Variants in NBAS observed in about 807,000 individuals in gnomAD.
The protein encoded by NBAS is NBAS subunit of NRZ tethering complex.
A neutral mutation model predicts 302.5 loss-of-function variants in NBAS; 219 were observed. The ratio of observed to expected loss-of-function variants is 0.72; its 90% CI spans 0.65 to 0.81. The LOEUF is 0.81. NBAS is among the 30% of genes least tolerant of loss of function. NBAS has a pLI of 0.00. For synonymous variants in NBAS, 1,118 were observed against 1,021.6 expected, an observed-to-expected ratio of 1.09 and a Z score of -1.80; for missense variants, 2,932 against 2,841.6, an observed-to-expected ratio of 1.03 and a Z score of -0.72.
At chr2:14,801,314 A>G in the NBAS span, among the ~76,000 whole-genome samples, 12 of 151,968 alleles carry the variant, frequency 7.9e-5, no homozygotes, top group African/African-American at 2.9e-4. Flanking sequence ...CACATATATT[A>G]TTAGGTTGCT....
chr2:15,208,965 G>A (rs1428405428), intron 48 of NBAS, among the ~76,000 whole-genome samples: 9 of 152,068 alleles, frequency 5.9e-5, no homozygotes, highest in Non-Finnish European at 1.2e-4. Context: ...AGAAATAAAC[G>A]AATTGGAAAT....
rs1572828429 is a variant in NBAS at position 15,424,318 on chromosome 2, C to T, written c.2574G>A (p.Arg858=). The change falls in exon 23 of 52, where the codon CGG becomes CGA. Residue 858 remains arginine (R), a synonymous_variant. Transcript: ENST00000281513. The part of the protein sequence containing the change: ...TRAEEIEHYA[R]QVDCALSLIR... Reference sequence around the variant, plus strand: ...AGCAGCTGCCATTTCCCCTCACCTGCCGAGCATAATGCTCTATTTCCTCTG... The same window carrying T: ...AGCAGCTGCCATTTCCCCTCACCTGTCGAGCATAATGCTCTATTTCCTCTG... The T allele has an allele frequency of 6.2e-7, 1 of 1,614,066 alleles. No individual in the cohort carries two copies. Among genetic ancestry groups the T allele is most frequent in the East Asian group, 2.2e-5 (1 of 44,872 alleles).
intron 38 of NBAS, among the ~76,000 whole-genome samples, chr2:15,313,528 T>A (rs1454231098): frequency 6.6e-6 from 1 of 152,234 alleles, no homozygotes; most frequent in Non-Finnish European, 1.5e-5. Flanking sequence ...CGATTGACAA[T>A]GTTATGCTAT....
intron 21 of NBAS, among the ~76,000 whole-genome samples, chr2:15,428,771 C>T (rs1397384684): frequency 2.0e-5 from 3 of 152,068 alleles, no homozygotes; most frequent in Non-Finnish European, 2.9e-5. Flanking sequence ...AGGCCAGGCG[C>T]GGTGGCTCAC....
At chr2:15,454,876 T>G (rs1335579418) in intron 21 of NBAS, among the ~76,000 whole-genome samples, 1 of 152,024 alleles carries the variant, frequency 6.6e-6, no homozygotes, top group Non-Finnish European at 1.5e-5. Context: ...TAAGTATTTC[T>G]TAACCATTCA....
the NBAS span, among the ~76,000 whole-genome samples, chr2:14,978,995 CT>C: frequency 6.6e-6 from 1 of 152,188 alleles, no homozygotes; most frequent in African/African-American, 2.4e-5. Flanking sequence ...CTATTTTCTG[CT>C]GAATTCCATT....
chr2:14,886,249 A>T, the NBAS span, among the ~76,000 whole-genome samples: 3 of 151,978 alleles, frequency 2.0e-5, no homozygotes, highest in South Asian at 6.2e-4. Flanking sequence ...CCCACCATTT[A>T]CTCCATACCC....
the NBAS span, among the ~76,000 whole-genome samples, chr2:14,909,390 G>C: frequency 2.0e-3 from 121 of 60,566 alleles, no homozygotes; most frequent in African/African-American, 0.01. Context: ...AAAAAAAAAA[G>C]ATTTCCCACA....
chr2:14,836,229 T>A, the NBAS span, among the ~76,000 whole-genome samples: 2 of 151,942 alleles, frequency 1.3e-5, no homozygotes, highest in Admixed American at 1.3e-4. Flanking sequence ...ACTCTATAAA[T>A]AGCTTTTGTT....
At chr2:14,965,101 A>G in the NBAS span, among the ~76,000 whole-genome samples, 1 of 152,220 alleles carries the variant, frequency 6.6e-6, no homozygotes, top group African/African-American at 2.4e-5. Context: ...CAAATCAATA[A>G]CTTCGCCTTC....
intron 25 of NBAS, among the ~76,000 whole-genome samples, chr2:15,405,149 G>T (rs59399851): frequency 6.6e-6 from 1 of 152,048 alleles, no homozygotes; most frequent in East Asian, 1.9e-4. Context: ...TGTTATCTCC[G>T]TTTGACTTTG....
the NBAS span, among the ~76,000 whole-genome samples, chr2:14,877,531 A>T: frequency 6.6e-6 from 1 of 152,252 alleles, no homozygotes; most frequent in Non-Finnish European, 1.5e-5. Context: ...GTCTAATAAG[A>T]CAAATACTTC....
chr2:15,404,551 C>T (rs1006415546), intron 25 of NBAS, among the ~76,000 whole-genome samples: 37 of 149,656 alleles, frequency 2.5e-4, no homozygotes, highest in African/African-American at 8.1e-4. Context: ...CTCGCTGTGT[C>T]GCCCAGGCTC....
chr2:15,532,588 G>A, intron 9 of NBAS, among the ~76,000 whole-genome samples: 1 of 151,316 alleles, frequency 6.6e-6, no homozygotes, highest in East Asian at 1.9e-4. Flanking sequence ...ACTCGTGGTA[G>A]AGTAAGAAAA....
At chr2:15,094,537 G>C in the NBAS span, among the ~76,000 whole-genome samples, 1 of 152,164 alleles carries the variant, frequency 6.6e-6, no homozygotes, top group East Asian at 1.9e-4. Flanking sequence ...ATTAAGCCTG[G>C]GGCTGAATCA....
At chr2:15,321,348 G>T (rs570211653) in intron 38 of NBAS, among the ~76,000 whole-genome samples, 11 of 152,286 alleles carry the variant, frequency 7.2e-5, no homozygotes, top group African/African-American at 2.6e-4. Context: ...AGGACTTCAT[G>T]ACTAAAACAC....
chr2:15,455,712 A>G (rs1395562429), intron 21 of NBAS, among the ~76,000 whole-genome samples: 4 of 151,162 alleles, frequency 2.6e-5, no homozygotes, highest in Non-Finnish European at 5.9e-5. Flanking sequence ...TACAAGTGAG[A>G]AGACTGCAGT....
chr2:15,088,257 T>C, the NBAS span, among the ~76,000 whole-genome samples: 1 of 152,098 alleles, frequency 6.6e-6, no homozygotes, highest in Non-Finnish European at 1.5e-5. Context: ...TATGAAGGAA[T>C]TTGAACTCCA....
intron 31 of NBAS, among the ~76,000 whole-genome samples, chr2:15,372,829 T>G (rs1674553884): frequency 6.6e-6 from 1 of 152,216 alleles, no homozygotes; most frequent in African/African-American, 2.4e-5. Flanking sequence ...CAAAAAATCC[T>G]GCTAATTGAT....
Sources: allele counts gnomAD v4.1 joint callset (sites outside exome capture counted in the v4.1 genomes callset), GRCh38; gene constraint gnomAD v4.1.1; transcripts MANE v1.5; gene names NCBI Gene and HGNC (gene_info 2026-07-23, HGNC 2026-07-21).